The following RANBP2 variants were observed in gnomAD, a reference collection of about 807,000 sequenced individuals.
RANBP2 encodes the protein E3 SUMO-protein ligase RanBP2.
In RANBP2, 57 loss-of-function variants were observed where a neutral mutation model predicts 303.6. The observed-to-expected ratio is 0.19, with a 90% CI of 0.15 to 0.23. RANBP2 has a LOEUF of 0.23. Ranked by LOEUF, RANBP2 falls within the 10% of genes least tolerant of loss-of-function variation. The pLI is 1.00. For synonymous variants in RANBP2, 1,167 were observed against 1,301.5 expected (o/e 0.90, Z 2.23); for missense variants, 3,138 against 3,780.8 (o/e 0.83, Z 4.46).
chr2:108,983,030 A>G, the RANBP2 span, among the ~76,000 whole-genome samples: 1 of 152,216 alleles, frequency 6.6e-6, no homozygotes, highest in African/African-American at 2.4e-5. Context: ...CCATAAAGAA[A>G]TCCATCAACA....
chr2:109,323,577 G>C, the RANBP2 span, among the ~76,000 whole-genome samples: 1 of 152,208 alleles, frequency 6.6e-6, no homozygotes, highest in South Asian at 2.1e-4. Flanking sequence ...AGCGAAGCTT[G>C]AACTCAGCTG....
chr2:108,829,305 AT>A, the RANBP2 span, among the ~76,000 whole-genome samples: 20 of 152,318 alleles, frequency 1.3e-4, no homozygotes, highest in East Asian at 3.9e-3. Context: ...AAAAGACCCT[AT>A]TTTTAAAAAA....
At chr2:109,165,220 G>A in the RANBP2 span, among the ~76,000 whole-genome samples, 2 of 152,038 alleles carry the variant, frequency 1.3e-5, no homozygotes, top group African/African-American at 4.8e-5. Flanking sequence ...TGCTAATCCT[G>A]CAAAGAAGTC....
the RANBP2 span, among the ~76,000 whole-genome samples, chr2:108,863,509 G>T: frequency 1.3e-5 from 2 of 152,166 alleles, no homozygotes; most frequent in Non-Finnish European, 2.9e-5. Context: ...AAACAAGCTG[G>T]GGTGCTCATT....
the RANBP2 span, among the ~76,000 whole-genome samples, chr2:108,853,813 A>G: frequency 2.8e-5 from 4 of 140,694 alleles, no homozygotes; most frequent in East Asian, 7.9e-4. Context: ...GGCACCAGCC[A>G]TCCCCAGCCA....
At chr2:108,931,128 C>G in the RANBP2 span, 1 of 974,276 alleles carries the variant, frequency 1.0e-6, no homozygotes, top group Non-Finnish European at 1.6e-6. Flanking sequence ...AAGGTGCCTT[C>G]CAGCAAACAG....
At chr2:109,034,000 C>T in the RANBP2 span, among the ~76,000 whole-genome samples, 67 of 142,366 alleles carry the variant, frequency 4.7e-4, no homozygotes, top group Non-Finnish European at 8.8e-4. Context: ...TGTTGGCTGA[C>T]GCCTGTAATC....
At chr2:108,929,510 G>C in the RANBP2 span, 1 of 991,908 alleles carries the variant, frequency 1.0e-6, no homozygotes, top group South Asian at 1.4e-5. Context: ...TTGGTTTCCT[G>C]AGTTGTCCTA....
chr2:109,562,815 A>C, the RANBP2 span, among the ~76,000 whole-genome samples: 1 of 152,222 alleles, frequency 6.6e-6, no homozygotes, highest in African/African-American at 2.4e-5. Context: ...TGAAGACAAT[A>C]TCATGAGAAA....
the RANBP2 span, among the ~76,000 whole-genome samples, chr2:109,674,318 G>A: frequency 4.0e-5 from 6 of 148,492 alleles, no homozygotes; most frequent in South Asian, 2.1e-4. Flanking sequence ...ATATACTAGC[G>A]GTCCCAGGTA....
the RANBP2 span, among the ~76,000 whole-genome samples, chr2:108,980,256 C>T: frequency 6.6e-6 from 1 of 152,076 alleles, no homozygotes; most frequent in Non-Finnish European, 1.5e-5. Flanking sequence ...CCGGACAGTT[C>T]TGCAGTGAGA....
At chr2:109,039,846 T>C in the RANBP2 span, among the ~76,000 whole-genome samples, 1,036 of 152,324 alleles carry the variant, frequency 6.8e-3, 6 homozygotes, top group East Asian at 0.035. Flanking sequence ...TAATAACTTG[T>C]AGGCATTTAA....
the RANBP2 span, chr2:108,885,101 G>A: frequency 6.6e-6 from 1 of 152,196 alleles, no homozygotes; most frequent in South Asian, 2.1e-4. Flanking sequence ...CTTTTTTCCA[G>A]GTACTCTGTA....
the RANBP2 span, among the ~76,000 whole-genome samples, chr2:109,245,764 C>T: frequency 6.6e-6 from 1 of 152,270 alleles, no homozygotes; most frequent in Admixed American, 6.5e-5. Flanking sequence ...TGCTATAATT[C>T]CTGGACCTTC....
At chr2:109,439,072 C>G in the RANBP2 span, among the ~76,000 whole-genome samples, 1 of 152,156 alleles carries the variant, frequency 6.6e-6, no homozygotes, top group South Asian at 2.1e-4. Context: ...TAGAAACGTT[C>G]CCAATTCAAA....
At chr2:109,463,261 G>A in the RANBP2 span, among the ~76,000 whole-genome samples, 1 of 152,248 alleles carries the variant, frequency 6.6e-6, no homozygotes, top group Non-Finnish European at 1.5e-5. Context: ...TGGACTGCCA[G>A]TTGCCAGTTG....
the RANBP2 span, among the ~76,000 whole-genome samples, chr2:109,511,600 G>T: frequency 6.6e-6 from 1 of 152,196 alleles, no homozygotes; most frequent in Non-Finnish European, 1.5e-5. Context: ...GAAGGTGGGA[G>T]CCTGCAGGGA....
chr2:109,025,846 A>G, the RANBP2 span, among the ~76,000 whole-genome samples: 1 of 150,650 alleles, frequency 6.6e-6, no homozygotes, highest in Non-Finnish European at 1.5e-5. Flanking sequence ...TTAGAGCTTC[A>G]CATAGAGATT....
chr2:108,910,502 T>G, the RANBP2 span: 3 of 1,613,916 alleles, frequency 1.9e-6, no homozygotes, highest in Non-Finnish European at 2.5e-6. Flanking sequence ...CTTCTCAAAT[T>G]CATCCTTCTC....
Sources: gnomAD v4.1 joint callset for allele counts (sites outside exome capture counted in the v4.1 genomes callset) on GRCh38, gnomAD v4.1.1 for gene constraint, MANE v1.5 for transcripts, NCBI Gene and HGNC (gene_info 2026-07-23, HGNC 2026-07-21) for gene names.